Variants in PLEKHG3 observed in about 807,000 individuals in gnomAD.
The protein encoded by PLEKHG3 is pleckstrin homology and RhoGEF domain containing G3.
A neutral mutation model predicts 94.9 loss-of-function variants in PLEKHG3; 62 were observed. That is an observed-to-expected ratio of 0.65 (90% CI 0.53 to 0.81). The LOEUF is 0.81. PLEKHG3 is among the 30% of genes least tolerant of loss of function. The pLI, the probability that PLEKHG3 is intolerant of heterozygous loss-of-function variation, is 0.00. For missense variants in PLEKHG3, 1,461 were observed against 1,619.3 expected (o/e 0.90, Z 1.68); for synonymous variants, 614 against 654.0 (o/e 0.94, Z 0.93).
intron 1 of PLEKHG3, among the ~76,000 whole-genome samples, chr14:64,724,306 A>T (rs905151495): frequency 1.3e-5 from 2 of 152,026 alleles, no homozygotes; most frequent in Non-Finnish European, 2.9e-5. Flanking sequence ...GACAGTCTGC[A>T]CTAGTGTCCT....
rs1336872354 is a variant in PLEKHG3, at chr14:64,739,802, C to T, written c.1518+947C>T. Among the ~76,000 whole-genome samples the T allele has an allele frequency of 6.6e-6, 1 of 152,204 alleles. No homozygotes were observed. The highest frequency in any genetic ancestry group is 1.5e-5 in the Non-Finnish European group (1 of 68,038). On this transcript the variant is annotated intron_variant, in intron 15 of 16. Transcript: ENST00000247226. This position sits in a 1 kb window ranked among gnomAD's most constrained non-coding sequence, Gnocchi z 4.1. ...CTCATTTGTAAGGGATCTGACCCCA[C>T]TCATGAGGATGGAGCCCTTGTGACC...
In PLEKHG3 at chr14:64,726,988, A is replaced by G. The variant is rs2081364029; in HGVS notation, c.-39-605A>G. Among the ~76,000 whole-genome samples, 1 of 152,180 alleles carries G rather than the reference A, an allele frequency of 6.6e-6. No homozygotes were observed. The highest frequency in any genetic ancestry group is 6.5e-5 in the Admixed American group (1 of 15,282). On this transcript the variant is annotated intron_variant, in intron 1 of 16. Coordinates refer to ENST00000247226, the MANE Select transcript of PLEKHG3 (RefSeq NM_001308147.2). This position sits in a 1 kb window ranked among gnomAD's most constrained non-coding sequence, Gnocchi z 5.1. ...CAGCACAGGCCACAGACAGGGGGGC[A>G]CTTGGGAAGTTCTTCTTCACAACTG...
Position 64,749,501 on chromosome 14 carries a change from C to T in PLEKHG3, c.*5798C>T, listed in dbSNP as rs1393915064. The T allele has an allele frequency of 6.3e-7, 1 of 1,598,106 alleles. No individual in the cohort carries two copies. The highest frequency in any genetic ancestry group is 8.5e-7 in the Non-Finnish European group (1 of 1,177,794). ...GCGGGGCGGAGGGTCACGGTGGAGTCTGGAGGCCCACAGCCCCCCACCTCC... is the reference window on the plus strand; with the variant it reads ...GCGGGGCGGAGGGTCACGGTGGAGTTTGGAGGCCCACAGCCCCCCACCTCC... On this transcript the variant is annotated 3_prime_UTR_variant, in exon 17 of 17. Transcript: ENST00000247226. The surrounding 1 kb of genome is among the most constrained non-coding windows in gnomAD (Gnocchi z 4.7).
rs1469279419 is a variant in PLEKHG3 at position 64,744,369 on chromosome 14, C to T, written c.*666C>T. ...CACTATGTGTGAACTCCTTCCTAGG[C>T]TTGGCTGGGGTAGGGAAGGTTATTC... is the stretch of plus-strand genomic sequence containing the variant. On this transcript the variant is annotated 3_prime_UTR_variant, in exon 17 of 17. Coordinates refer to ENST00000247226, the MANE Select transcript of PLEKHG3 (RefSeq NM_001308147.2). 6.6e-6 allele frequency: 1 copy of T among 152,642 alleles called. No individual in the cohort carries two copies. 9.5% of individuals were successfully genotyped at this position (152,642 alleles called of 1,614,324 possible).
chr14:64,737,503 A>G, intron 14 of PLEKHG3, 128 bp downstream of exon 14: 1 of 664,946 alleles, frequency 1.5e-6, no homozygotes, highest in South Asian at 2.0e-5. Context: ...CCCACTGTGT[A>G]CCAGGCTGTG....
At chr14:64,737,004 G>A (rs1255433760) in intron 13 of PLEKHG3, 113 bp downstream of exon 13, 1 of 847,392 alleles carries the variant, frequency 1.2e-6, no homozygotes, top group African/African-American at 1.6e-5. Context: ...TCAGAATAGT[G>A]TAGAGGGAAC....
In PLEKHG3 at chr14:64,750,057, C is replaced by T. The variant is rs1005188673; in HGVS notation, c.*6354C>T. 16 of 1,614,084 alleles carry T rather than the reference C, an allele frequency of 9.9e-6. No individual in the cohort carries two copies. The highest frequency in any genetic ancestry group is 1.3e-5 in the Non-Finnish European group (15 of 1,180,026). ...ATGGCATGTCTCAGGGCCAGGGGTT[C>T]CTCCCCATGGTAGGGCATCCCCAGG... On this transcript the variant is annotated 3_prime_UTR_variant, in exon 17 of 17. Coordinates refer to ENST00000247226, the MANE Select transcript of PLEKHG3 (RefSeq NM_001308147.2).
rs989276787 is a variant in PLEKHG3, at chr14:64,715,250, A to G, written c.-40+10546A>G. Among the ~76,000 whole-genome samples, 11 of 152,264 alleles carry G rather than the reference A, an allele frequency of 7.2e-5. No individual in the cohort carries two copies. The highest frequency in any genetic ancestry group is 2.6e-4 in the Admixed American group (4 of 15,306). The stretch of plus-strand genomic sequence containing the variant: ...GCAAAAAGTGCATGAGAGCATTCCT[A>G]TGAGGTAGGGTGAGAGATGGCCTTC... On this transcript the variant is annotated intron_variant, in intron 1 of 16. Transcript: ENST00000247226. This position sits in a 1 kb window ranked among gnomAD's most constrained non-coding sequence, Gnocchi z 4.4.
In PLEKHG3 at chr14:64,715,967, T is replaced by C. The variant is rs1401088676; in HGVS notation, c.-40+11263T>C. On this transcript the variant is annotated intron_variant, in intron 1 of 16. Coordinates refer to ENST00000247226, the MANE Select transcript of PLEKHG3 (RefSeq NM_001308147.2). The surrounding 1 kb of genome is among the most constrained non-coding windows in gnomAD (Gnocchi z 4.4). ...GCGGGCGCTTTAATTCCCGAGGCTG[T>C]TGGTGGCAGCTCGCTGCTCACCCCA... 8.9e-6 allele frequency: 4 copies of C among 449,564 alleles called. No individual in the cohort carries two copies. Among genetic ancestry groups the C allele is most frequent in the Non-Finnish European group, 1.3e-5 (3 of 224,452 alleles). 27.8% of individuals were successfully genotyped at this position (449,564 alleles called of 1,614,324 possible).
At chr14:64,713,734 T>A (rs2081094547) in intron 1 of PLEKHG3, among the ~76,000 whole-genome samples, 1 of 152,160 alleles carries the variant, frequency 6.6e-6, no homozygotes, top group Non-Finnish European at 1.5e-5. Flanking sequence ...ATATACATTA[T>A]CTCTTTGAAA....
rs760316744 is a variant in PLEKHG3 at position 64,743,667 on chromosome 14, T to C, written c.3624T>C (p.Leu1208=). 2 of 1,594,576 alleles carry C rather than the reference T, an allele frequency of 1.3e-6. No homozygotes were observed. Among genetic ancestry groups the C allele is most frequent in the South Asian group, 2.2e-5 (2 of 89,320 alleles). ...DPSQQGRVRN[L]REKFQALNSV... is the part of the protein sequence containing the mutation. ...GCCAGCAGGGCAGAGTGAGAAACCTTAGAGAGAAGTTCCAGGCCTTGAACT... is the reference window on the plus strand; with the variant it reads ...GCCAGCAGGGCAGAGTGAGAAACCTCAGAGAGAAGTTCCAGGCCTTGAACT... The change falls in exon 17 of 17, where the codon CTT becomes CTC. Residue 1208 remains leucine, a synonymous_variant. Coordinates refer to ENST00000247226, the MANE Select transcript of PLEKHG3 (RefSeq NM_001308147.2). The surrounding 1 kb of genome is among the most constrained non-coding windows in gnomAD (Gnocchi z 7.2).
At chr14:64,709,082 C>T (rs879691337) in intron 1 of PLEKHG3, among the ~76,000 whole-genome samples, 11 of 152,190 alleles carry the variant, frequency 7.2e-5, no homozygotes, top group Non-Finnish European at 1.6e-4. Context: ...CTCTGTCTGT[C>T]AGCTGCCTGG....
chr14:64,738,932 T>C lies in PLEKHG3; in HGVS notation c.1518+77T>C. 3 of 889,408 alleles carry C rather than the reference T, an allele frequency of 3.4e-6. No homozygotes were observed. The highest frequency in any genetic ancestry group is 5.5e-6 in the Non-Finnish European group (3 of 546,110). 55.1% of individuals were successfully genotyped at this position (889,408 alleles called of 1,614,324 possible). Reference sequence around the variant, plus strand: ...ATTTTCAAGTCTGCAAATAGGGCTTTCAGGCACAGGCTCTCCCACTGGGCC... The same window carrying C: ...ATTTTCAAGTCTGCAAATAGGGCTTCCAGGCACAGGCTCTCCCACTGGGCC... On this transcript the variant is annotated intron_variant, in intron 15 of 16. Coordinates refer to ENST00000247226, the MANE Select transcript of PLEKHG3 (RefSeq NM_001308147.2). The surrounding 1 kb of genome is among the most constrained non-coding windows in gnomAD (Gnocchi z 4.8).
intron 1 of PLEKHG3, among the ~76,000 whole-genome samples, chr14:64,708,031 C>A (rs897730657): frequency 2.0e-5 from 3 of 152,214 alleles, no homozygotes; most frequent in Non-Finnish European, 4.4e-5. Flanking sequence ...AATGTCATTG[C>A]TAAGGACTGT....
At position 64,728,938 on chromosome 14, in the gene PLEKHG3, G is replaced by A; in HGVS notation, c.352-58G>A. On this transcript the variant is annotated intron_variant, in intron 2 of 16. Transcript: ENST00000247226. This position sits in a 1 kb window ranked among gnomAD's most constrained non-coding sequence, Gnocchi z 5.9. Reference sequence around the variant, plus strand: ...AGGGCCGAAACGAGGTGTGGCTAGGGAAGGTAGTGGGCAGGGTTGTGCCGG... The same window carrying A: ...AGGGCCGAAACGAGGTGTGGCTAGGAAAGGTAGTGGGCAGGGTTGTGCCGG... 1.5e-6 allele frequency: 1 copy of A among 673,744 alleles called. No individual in the cohort carries two copies. The highest frequency in any genetic ancestry group is 2.6e-6 in the Non-Finnish European group (1 of 378,480). 41.7% of individuals were successfully genotyped at this position (673,744 alleles called of 1,614,324 possible). A position where few individuals can be genotyped will look rare whatever the true frequency, so the allele number is the denominator to read the frequency against.
rs2081355743 is a variant in PLEKHG3, at chr14:64,726,482, G to A, written c.-39-1111G>A. On this transcript the variant is annotated intron_variant, in intron 1 of 16. Transcript: ENST00000247226. This position sits in a 1 kb window ranked among gnomAD's most constrained non-coding sequence, Gnocchi z 5.1. ...TGGTGAGCTCTAAGGGGTGGGCATG[G>A]GTGTTGCATGGGTGTCCCTGTCCTT... Among the ~76,000 whole-genome samples the A allele has an allele frequency of 1.3e-5, 2 of 152,130 alleles. No homozygotes were observed. Among genetic ancestry groups the A allele is most frequent in the African/African-American group, 4.8e-5 (2 of 41,408 alleles).
chr14:64,734,842 G>A lies in PLEKHG3; in HGVS notation c.1345+1941G>A, dbSNP rs151019886. Among the ~76,000 whole-genome samples the A allele has an allele frequency of 9.1e-3, 1,379 of 151,210 alleles. 20 individuals carry two copies. Among genetic ancestry groups the A allele is most frequent in the African/African-American group, 0.032 (1,315 of 41,176 alleles). On this transcript the variant is annotated intron_variant, in intron 12 of 16. Coordinates refer to ENST00000247226, the MANE Select transcript of PLEKHG3 (RefSeq NM_001308147.2). ...TTCAAGTGATTCTCCTGCCTCAGCC[G>A]CCCGAGTAGCTGGGATTACAGGCAC...
Position 64,749,381 on chromosome 14 carries a change from G to A in PLEKHG3, c.*5678G>A. ...CGAGGCTGGCGTCGGGGCCGGAGAGGGAAGGCAGGGGCAGGCTCTGCGCCT... is the reference window on the plus strand; with the variant it reads ...CGAGGCTGGCGTCGGGGCCGGAGAGAGAAGGCAGGGGCAGGCTCTGCGCCT... On this transcript the variant is annotated 3_prime_UTR_variant, in exon 17 of 17. Transcript: ENST00000247226. This position sits in a 1 kb window ranked among gnomAD's most constrained non-coding sequence, Gnocchi z 4.7. 6.2e-7 allele frequency: 1 copy of A among 1,610,146 alleles called. No homozygotes were observed. Among genetic ancestry groups the A allele is most frequent in the Non-Finnish European group, 8.5e-7 (1 of 1,179,778 alleles).
At chr14:64,735,855 TTTAAA>T (rs1392662469) in intron 12 of PLEKHG3, among the ~76,000 whole-genome samples, 18 of 152,256 alleles carry the variant, frequency 1.2e-4, no homozygotes, top group Non-Finnish European at 2.2e-4. Context: ...TATTGTTTAA[TTTAAA>T]TTATGTCTCA....
Sources: gnomAD v4.1 joint callset for allele counts (sites outside exome capture counted in the v4.1 genomes callset) on GRCh38, gnomAD v4.1.1 for gene constraint, Gnocchi (gnomAD v3.1) non-coding constraint, MANE v1.5 for transcripts, NCBI Gene and HGNC (gene_info 2026-07-23, HGNC 2026-07-21) for gene names.